The following MARCHF2 variants were observed in gnomAD, a reference collection of about 807,000 sequenced individuals.
MARCHF2 encodes the protein membrane associated ring-CH-type finger 2.
A neutral mutation model predicts 24.0 loss-of-function variants in MARCHF2; 22 were observed. That is an observed-to-expected ratio of 0.92 (90% confidence interval 0.66 to 1.31). The LOEUF (loss-of-function observed/expected upper bound fraction) is 1.31, where lower values mean the gene tolerates loss of function less well. Ranked by LOEUF, MARCHF2 falls within the 50% of genes most tolerant of loss-of-function variation. The probability of loss-of-function intolerance (pLI) is 0.00; values close to 1 mark genes in which losing one functional copy is unlikely to be tolerated. For missense variants in MARCHF2, 301 were observed against 335.3 expected (o/e 0.90, Z 0.80); for synonymous variants, 154 against 153.0 (o/e 1.01, Z -0.05).
intron 1 of MARCHF2, 44 bp from the exon 2 acceptor site, chr19:8,421,745 G>C: frequency 1.7e-6 from 2 of 1,144,692 alleles, no homozygotes; most frequent in Admixed American, 2.5e-5. Context: ...AGTCCGTCAG[G>C]CTCATTAACC....
In MARCHF2 at chr19:8,430,242, A is replaced by G. The variant is rs962996352; in HGVS notation, c.373-416A>G. 4.6e-5 allele frequency among the ~76,000 whole-genome samples: 7 copies of G among 152,104 alleles called. No homozygotes were observed. Among genetic ancestry groups the G allele is most frequent in the Non-Finnish European group, 1.0e-4 (7 of 68,000 alleles). Reference sequence around the variant, plus strand: ...GCAGGGCATGGTGGCGCTTGCCTATAATCCCAGCTACTCGGGAGGCTGAGG... The same window carrying G: ...GCAGGGCATGGTGGCGCTTGCCTATGATCCCAGCTACTCGGGAGGCTGAGG... On this transcript the variant is annotated intron_variant, in intron 3 of 4. Transcript: ENST00000215555. The surrounding 1 kb of genome is among the most constrained non-coding windows in gnomAD (Gnocchi z 4.4).
At position 8,438,747 on chromosome 19, in the gene MARCHF2, T is replaced by G; in HGVS notation, c.*201T>G. 1 of 577,964 alleles carries G rather than the reference T, an allele frequency of 1.7e-6. No homozygotes were observed. Among genetic ancestry groups the G allele is most frequent in the Non-Finnish European group, 3.0e-6 (1 of 336,536 alleles). 35.8% of individuals were successfully genotyped at this position (577,964 alleles called of 1,614,324 possible). A position where few individuals can be genotyped will look rare whatever the true frequency, so the allele number is the denominator to read the frequency against. On this transcript the variant is annotated 3_prime_UTR_variant, in exon 5 of 5. Coordinates refer to ENST00000215555, the MANE Select transcript of MARCHF2 (RefSeq NM_001005415.2). ...TTTCAGGGTTTTTTTTTTTTTTTTTTTGCATATGGAGGACAGGTGGACATG... is the reference window on the plus strand; with the variant it reads ...TTTCAGGGTTTTTTTTTTTTTTTTTGTGCATATGGAGGACAGGTGGACATG...
chr19:8,414,431 G>A (rs1158514844), intron 1 of MARCHF2, among the ~76,000 whole-genome samples: 1 of 152,014 alleles, frequency 6.6e-6, no homozygotes, highest in Non-Finnish European at 1.5e-5. Context: ...ACCGTGCCTG[G>A]CCAATTTTTG....
chr19:8,430,932 AT>A lies in MARCHF2; in HGVS notation c.582+68del. ...GCCGCTGGGAGCAGCAGGGCCAAGG[AT>A]TTGGCCCCTGGCTTGTGGGGCACGG... On this transcript the variant is annotated intron_variant, in intron 4 of 4. Transcript: ENST00000215555. This position sits in a 1 kb window ranked among gnomAD's most constrained non-coding sequence, Gnocchi z 4.4. The A allele has an allele frequency of 1.3e-6, 2 of 1,481,640 alleles. No individual in the cohort carries two copies. The highest frequency in any genetic ancestry group is 1.3e-5 in the South Asian group (1 of 79,844). 91.8% of individuals were successfully genotyped at this position (1,481,640 alleles called of 1,614,324 possible). A position where few individuals can be genotyped will look rare whatever the true frequency, so the allele number is the denominator to read the frequency against.
intron 4 of MARCHF2, among the ~76,000 whole-genome samples, chr19:8,433,113 G>A (rs952083860): frequency 1.3e-5 from 2 of 152,036 alleles, no homozygotes; most frequent in Non-Finnish European, 2.9e-5. Flanking sequence ...CAGCTACTCC[G>A]GAGGGTGAGG....
At position 8,414,227 on chromosome 19, in the gene MARCHF2, T is replaced by A. The variant is rs191802512; in HGVS notation, c.-53+807T>A. Among the ~76,000 whole-genome samples the A allele has an allele frequency of 1.3e-3, 198 of 152,258 alleles. 1 individual carries two copies. The highest frequency in any genetic ancestry group is 4.4e-3 in the African/African-American group (183 of 41,560). On this transcript the variant is annotated intron_variant, in intron 1 of 4. Transcript: ENST00000215555. ...TAATAAGAGCTAATAGTTATTAACTTCTTAATTTTTTACTAATTTATGAAC... is the reference window on the plus strand; with the variant it reads ...TAATAAGAGCTAATAGTTATTAACTACTTAATTTTTTACTAATTTATGAAC...
chr19:8,420,635 G>A lies in MARCHF2; in HGVS notation c.-52-1154G>A, dbSNP rs929331034. Among the ~76,000 whole-genome samples, 7 of 151,988 alleles carry A rather than the reference G, an allele frequency of 4.6e-5. No individual in the cohort carries two copies. In the South Asian group the frequency reaches 1.0e-3, roughly 23 times the overall value. On this transcript the variant is annotated intron_variant, in intron 1 of 4. Transcript: ENST00000215555. ...GGCCCTGGAGGCTTTGAGGGTAAGA[G>A]GAGGCCTAGCTTTTCTTGTCTTCTC...
rs757438010 is a variant in MARCHF2, at chr19:8,421,978, G to A, written c.138G>A (p.Arg46=). Reference sequence around the variant, plus strand: ...CACAGGTGACTTCAAGGGATGGCCGGCTCCTCTCCACCGTCATCCGTGCCT... The same window carrying A: ...CACAGGTGACTTCAAGGGATGGCCGACTCCTCTCCACCGTCATCCGTGCCT... ...YVAQVTSRDG[R]LLSTVIRALD... Residue 46 remains arginine (R), a synonymous_variant, in exon 2 of 5, where the codon CGG becomes CGA. Transcript: ENST00000215555. 5 of 1,613,088 alleles carry A rather than the reference G, an allele frequency of 3.1e-6. No homozygotes were observed. The highest frequency in any genetic ancestry group is 8.5e-7 in the Non-Finnish European group (1 of 1,179,704).
rs1373731891 is a variant in MARCHF2 at position 8,438,370 on chromosome 19, T to G, written c.583-18T>G. 2 of 1,612,748 alleles carry G rather than the reference T, an allele frequency of 1.2e-6. No homozygotes were observed. On this transcript the variant is annotated intron_variant, in intron 4 of 4. Transcript: ENST00000215555. ...CTTGCGGGTGGAGGCCTCCGCTCAC[T>G]GCAGGGCTGCCCCACAGGTCTCCTT...
chr19:8,426,438 C>T (rs1568238293), intron 2 of MARCHF2, among the ~76,000 whole-genome samples, 171 bp from the exon 3 acceptor site: 1 of 151,802 alleles, frequency 6.6e-6, no homozygotes, highest in African/African-American at 2.4e-5. Flanking sequence ...GGTTACCTTC[C>T]CTGCATCTCC....
At chr19:8,436,677 CTTTTTTTT>C (rs71175858) in intron 4 of MARCHF2, among the ~76,000 whole-genome samples, 6 of 71,596 alleles carry the variant, frequency 8.4e-5, no homozygotes, top group Non-Finnish European at 5.5e-5. Context: ...TAAGGGCTTT[CTTTTTTTT>C]TTTTTTTTTT....
intron 1 of MARCHF2, among the ~76,000 whole-genome samples, chr19:8,419,297 T>C (rs929424290): frequency 1.1e-4 from 17 of 149,084 alleles, no homozygotes; most frequent in African/African-American, 4.2e-4. Flanking sequence ...AGATCAAAAC[T>C]ATCCTGGCCA....
In MARCHF2 at chr19:8,426,616, C is replaced by T; in HGVS notation, c.184C>T (p.Pro62Ser). ...IRALDTPSDG[P>S]FCRICHEGAN... ...TCCTATCTCTGTGTCCAGTGATGGT[C>T]CTTTCTGCCGGATCTGCCATGAGGG... The change falls in exon 3 of 5, where the codon CCT (proline) becomes TCT (serine). Residue 62 changes from proline (P) to serine (S), a missense_variant. By Grantham distance (74) the Pro-to-Ser change is moderately conservative (BLOSUM62 -1). Transcript: ENST00000215555. 6.2e-7 allele frequency: 1 copy of T among 1,613,726 alleles called. No individual in the cohort carries two copies. Among genetic ancestry groups the T allele is most frequent in the Non-Finnish European group, 8.5e-7 (1 of 1,179,852 alleles).
chr19:8,420,529 C>A (rs944825556), intron 1 of MARCHF2, among the ~76,000 whole-genome samples: 1 of 136,190 alleles, frequency 7.3e-6, no homozygotes, highest in Non-Finnish European at 1.5e-5. Flanking sequence ...CAGCGAAACT[C>A]TGTCTCAAAA....
At position 8,415,737 on chromosome 19, in the gene MARCHF2, A is replaced by AAC. The variant is rs1555692163; in HGVS notation, c.-53+2318_-53+2319insCA. On this transcript the variant is annotated intron_variant, in intron 1 of 4. Coordinates refer to ENST00000215555, the MANE Select transcript of MARCHF2 (RefSeq NM_001005415.2). ...ACTCCATCTCAAAAAAAAAAAAACAAAAAAAACAAAAAAAAAAACCAGACA... is the reference window on the plus strand; with the variant it reads ...ACTCCATCTCAAAAAAAAAAAAACAAACAAAAAACAAAAAAAAAAACCAGACA... 1.3e-3 allele frequency among the ~76,000 whole-genome samples: 122 copies of AAC among 96,952 alleles called. 9 individuals are homozygous for AAC. Among genetic ancestry groups the AAC allele is most frequent in the South Asian group, 5.0e-3 (15 of 3,008 alleles). The allele number at this position is 96,952 out of a possible 152,430, so 63.6% of individuals were successfully genotyped here. A position where few individuals can be genotyped will look rare whatever the true frequency, so the allele number is the denominator to read the frequency against.
intron 2 of MARCHF2, among the ~76,000 whole-genome samples, chr19:8,423,995 AAAAAAAAAG>A (rs1193516930): frequency 6.6e-6 from 1 of 151,112 alleles, no homozygotes; most frequent in African/African-American, 2.4e-5. Flanking sequence ...CAAAAAAAAA[AAAAAAAAAG>A]AAAGAAAAAA....
chr19:8,419,598 C>T (rs1450305348), intron 1 of MARCHF2, among the ~76,000 whole-genome samples: 2 of 150,740 alleles, frequency 1.3e-5, no homozygotes, highest in Admixed American at 6.6e-5. Flanking sequence ...GGGCGGATCA[C>T]GAGGTCAGGA....
chr19:8,426,584 T>C, intron 2 of MARCHF2, 25 bp from the exon 3 acceptor site: 3 of 1,603,534 alleles, frequency 1.9e-6, no homozygotes, highest in Non-Finnish European at 2.6e-6. Context: ...CAATCATTGC[T>C]CATGGGTCCT....
At chr19:8,426,091 C>A (rs1426657915) in intron 2 of MARCHF2, among the ~76,000 whole-genome samples, 3 of 151,572 alleles carry the variant, frequency 2.0e-5, no homozygotes, top group Non-Finnish European at 4.4e-5. Context: ...ATTAGCCGGG[C>A]GTGGTGGCAG....
Sources: allele counts gnomAD v4.1 joint callset (sites outside exome capture counted in the v4.1 genomes callset), GRCh38; gene constraint gnomAD v4.1.1; non-coding constraint Gnocchi (gnomAD v3.1); transcripts MANE v1.5; gene names NCBI Gene and HGNC (gene_info 2026-07-23, HGNC 2026-07-21).